KIRREL3: variants seen among roughly 807,000 people sequenced by gnomAD.
The protein encoded by KIRREL3 is kin of IRRE-like protein 3.
In KIRREL3, 36 loss-of-function variants were observed where a neutral mutation model predicts 89.7. The observed-to-expected ratio is 0.40, with a 90% CI of 0.31 to 0.53. KIRREL3 has a LOEUF of 0.53. Ranked by LOEUF, KIRREL3 falls within the 20% of genes least tolerant of loss-of-function variation. The pLI is 0.49. For synonymous variants in KIRREL3, 445 were observed against 441.4 expected (o/e 1.01, Z -0.10); for missense variants, 864 against 1,056.6 (o/e 0.82, Z 2.53).
At position 126,427,803 on chromosome 11, in the gene KIRREL3, G is replaced by A. The variant is rs1219468256; in HGVS notation, c.1806+1376C>T. ...GGCTCTCGAGGGTGGATTGAGAAAAGAGACAAAAGACTACAAGGCTGAGAC... is the reference window on the plus strand; with the variant it reads ...GGCTCTCGAGGGTGGATTGAGAAAAAAGACAAAAGACTACAAGGCTGAGAC... On this transcript the variant is annotated intron_variant, in intron 15 of 16. Coordinates refer to ENST00000525144, the MANE Select transcript of KIRREL3 (RefSeq NM_032531.4). The surrounding 1 kb of genome is among the most constrained non-coding windows in gnomAD (Gnocchi z 5.3). Among the ~76,000 whole-genome samples, 1 of 152,206 alleles carries A rather than the reference G, an allele frequency of 6.6e-6. No homozygotes were observed. Among genetic ancestry groups the A allele is most frequent in the African/African-American group, 2.4e-5 (1 of 41,446 alleles).
chr11:126,662,906 C>CTTTTTTTTTTTTTTTTTTTT (rs756193928), intron 1 of KIRREL3, among the ~76,000 whole-genome samples: 1 of 91,878 alleles, frequency 1.1e-5, no homozygotes, highest in Non-Finnish European at 2.1e-5. Context: ...AAAGTCCTTT[C>CTTTTTTTTTTTTTTTTTTTT]TTTTTTTTTT....
intron 1 of KIRREL3, among the ~76,000 whole-genome samples, chr11:126,790,415 C>A (rs531208207): frequency 6.6e-6 from 1 of 152,258 alleles, no homozygotes; most frequent in African/African-American, 2.4e-5. Flanking sequence ...TGACATTGGT[C>A]ATCGAAGTTA....
rs941189641 is a variant in KIRREL3, at chr11:126,825,931, T to C, written c.55+174524A>G. ...GGGATTCTGCAACCCTCTTGAGGAA[T>C]AATCATATCAAGGAGAATCTTCCTT... On this transcript the variant is annotated intron_variant, in intron 1 of 16. Coordinates refer to ENST00000525144, the MANE Select transcript of KIRREL3 (RefSeq NM_032531.4). Among the ~76,000 whole-genome samples the C allele has an allele frequency of 2.6e-5, 4 of 152,202 alleles. No homozygotes were observed. In the East Asian group the frequency reaches 7.7e-4, roughly 29 times the overall value.
At chr11:126,975,489 G>A (rs1949540125) in intron 1 of KIRREL3, among the ~76,000 whole-genome samples, 1 of 152,220 alleles carries the variant, frequency 6.6e-6, no homozygotes, top group South Asian at 2.1e-4. Context: ...GGGTACAGAA[G>A]TGGGACTACC....
chr11:126,586,160 A>C (rs1436290065), intron 1 of KIRREL3, among the ~76,000 whole-genome samples: 3 of 152,208 alleles, frequency 2.0e-5, no homozygotes, highest in Non-Finnish European at 4.4e-5. Flanking sequence ...ATTACAGCGC[A>C]CATTAGGGAA....
rs1368251889 is a variant in KIRREL3 at position 126,501,268 on chromosome 11, C to T, written c.433+20047G>A. Among the ~76,000 whole-genome samples the T allele has an allele frequency of 6.6e-6, 1 of 152,260 alleles. No individual in the cohort carries two copies. Among genetic ancestry groups the T allele is most frequent in the East Asian group, 1.9e-4 (1 of 5,206 alleles). On this transcript the variant is annotated intron_variant, in intron 4 of 16. Transcript: ENST00000525144. The surrounding 1 kb of genome is among the most constrained non-coding windows in gnomAD (Gnocchi z 5.8). ...CAGGCAAACCCAGGAGTCAGCCTGGCTCTGGCCCTAGCTTGAACGCCTCGG... is the reference window on the plus strand; with the variant it reads ...CAGGCAAACCCAGGAGTCAGCCTGGTTCTGGCCCTAGCTTGAACGCCTCGG...
At chr11:126,836,747 G>A (rs2134507284) in intron 1 of KIRREL3, among the ~76,000 whole-genome samples, 1 of 152,250 alleles carries the variant, frequency 6.6e-6, no homozygotes, top group South Asian at 2.1e-4. Context: ...TTATCCAGGG[G>A]GATGAAGCAT....
chr11:126,692,186 T>C (rs1946901915), intron 1 of KIRREL3, among the ~76,000 whole-genome samples: 2 of 152,108 alleles, frequency 1.3e-5, no homozygotes, highest in African/African-American at 4.8e-5. Context: ...TCCAGAAACA[T>C]TAAAAGCAGG....
Position 126,860,337 on chromosome 11 carries a change from CTGGGAGCACAGAGAAGGT to C in KIRREL3, c.55+140100_55+140117del, listed in dbSNP as rs1357159934. 5.3e-5 allele frequency among the ~76,000 whole-genome samples: 8 copies of C among 152,256 alleles called. 1 individual carries two copies. Among genetic ancestry groups the C allele is most frequent in the Admixed American group, 3.9e-4 (6 of 15,292 alleles). On this transcript the variant is annotated intron_variant, in intron 1 of 16. Coordinates refer to ENST00000525144, the MANE Select transcript of KIRREL3 (RefSeq NM_032531.4). The surrounding 1 kb of genome is among the most constrained non-coding windows in gnomAD (Gnocchi z 4.6). ...TTTAATAAAGGCGTGGGCAATGGGT[CTGGGAGCACAGAGAAGGT>C]TGCCTTTATTTATGTTTCAGGCAGA...
At chr11:126,951,084 G>A (rs535732453) in intron 1 of KIRREL3, among the ~76,000 whole-genome samples, 12 of 152,296 alleles carry the variant, frequency 7.9e-5, no homozygotes, top group South Asian at 2.1e-4. Flanking sequence ...GCAATGTATC[G>A]TCAGATAATC....
At position 126,821,351 on chromosome 11, in the gene KIRREL3, A is replaced by ATATATGTG. The variant is rs756545626; in HGVS notation, c.55+179103_55+179104insCACATATA. ...ACAGTATATATATATATATATATAT[A>ATATATGTG]TGTAACTTCCAACCAACATCCCTTC... On this transcript the variant is annotated intron_variant, in intron 1 of 16. Transcript: ENST00000525144. Among the ~76,000 whole-genome samples the ATATATGTG allele has an allele frequency of 7.9e-4, 83 of 104,418 alleles. 8 individuals carry two copies. The highest frequency in any genetic ancestry group is 5.4e-3 in the Middle Eastern group (1 of 186). 68.5% of individuals were successfully genotyped at this position (104,418 alleles called of 152,430 possible).
At position 126,684,075 on chromosome 11, in the gene KIRREL3, C is replaced by T. The variant is rs1019476887; in HGVS notation, c.56-121163G>A. Among the ~76,000 whole-genome samples, 1 of 152,222 alleles carries T rather than the reference C, an allele frequency of 6.6e-6. No individual in the cohort carries two copies. The highest frequency in any genetic ancestry group is 1.5e-5 in the Non-Finnish European group (1 of 68,036). On this transcript the variant is annotated intron_variant, in intron 1 of 16. Coordinates refer to ENST00000525144, the MANE Select transcript of KIRREL3 (RefSeq NM_032531.4). This position sits in a 1 kb window ranked among gnomAD's most constrained non-coding sequence, Gnocchi z 4.2. ...GTCTGATCTGCTGACAGCCGCGACCCTGCCACCTGCTCAGTGGGATGGCAT... is the reference window on the plus strand; with the variant it reads ...GTCTGATCTGCTGACAGCCGCGACCTTGCCACCTGCTCAGTGGGATGGCAT...
intron 4 of KIRREL3, among the ~76,000 whole-genome samples, chr11:126,502,591 AAT>A (rs1315371391): frequency 2.0e-5 from 3 of 152,226 alleles, no homozygotes; most frequent in African/African-American, 7.2e-5. Context: ...CTCTCTAGTC[AAT>A]AAATAAGTGG....
chr11:126,709,977 TAA>T lies in KIRREL3; in HGVS notation c.56-147067_56-147066del, dbSNP rs1947693869. 1.3e-5 allele frequency among the ~76,000 whole-genome samples: 2 copies of T among 152,206 alleles called. No homozygotes were observed. Among genetic ancestry groups the T allele is most frequent in the Non-Finnish European group, 2.9e-5 (2 of 68,032 alleles). On this transcript the variant is annotated intron_variant, in intron 1 of 16. Coordinates refer to ENST00000525144, the MANE Select transcript of KIRREL3 (RefSeq NM_032531.4). The surrounding 1 kb of genome is among the most constrained non-coding windows in gnomAD (Gnocchi z 4.0). ...GTGAACATTCTGCATTCATTATCAC[TAA>T]TCCTTACACATGCCCTGCCAGGAAG... is the stretch of plus-strand genomic sequence containing the variant.
Position 126,615,225 on chromosome 11 carries a change from T to C in KIRREL3, c.56-52313A>G, listed in dbSNP as rs192789176. ...GCTTTTATGACAGTCTTCTCTACAA[T>C]GAGACGACATCTTTCTCATCTCTGT... is the stretch of plus-strand genomic sequence containing the variant. On this transcript the variant is annotated intron_variant, in intron 1 of 16. Coordinates refer to ENST00000525144, the MANE Select transcript of KIRREL3 (RefSeq NM_032531.4). The surrounding 1 kb of genome is among the most constrained non-coding windows in gnomAD (Gnocchi z 5.4). Among the ~76,000 whole-genome samples the C allele has an allele frequency of 2.6e-5, 4 of 152,308 alleles. No individual in the cohort carries two copies. Among genetic ancestry groups the C allele is most frequent in the African/African-American group, 9.6e-5 (4 of 41,570 alleles).
rs1374761570 is a variant in KIRREL3, at chr11:126,754,924, C to T, written c.56-192012G>A. On this transcript the variant is annotated intron_variant, in intron 1 of 16. Transcript: ENST00000525144. This position sits in a 1 kb window ranked among gnomAD's most constrained non-coding sequence, Gnocchi z 5.1. Reference sequence around the variant, plus strand: ...CAGTGGGAATAATTTATTTCTTCTTCCTGGTGAGCAAATACACAGCAAGAG... The same window carrying T: ...CAGTGGGAATAATTTATTTCTTCTTTCTGGTGAGCAAATACACAGCAAGAG... Among the ~76,000 whole-genome samples the T allele has an allele frequency of 6.6e-6, 1 of 152,274 alleles. No homozygotes were observed. The highest frequency in any genetic ancestry group is 1.9e-4 in the East Asian group (1 of 5,186).
At chr11:126,941,896 C>A (rs1437657731) in intron 1 of KIRREL3, among the ~76,000 whole-genome samples, 1 of 152,182 alleles carries the variant, frequency 6.6e-6, no homozygotes, top group East Asian at 1.9e-4. Context: ...TCAATGCAAG[C>A]CATCAACAAG....
At chr11:126,866,776 C>A (rs1010364363) in intron 1 of KIRREL3, among the ~76,000 whole-genome samples, 9 of 152,076 alleles carry the variant, frequency 5.9e-5, no homozygotes, top group Admixed American at 3.9e-4. Context: ...GACGCAGACG[C>A]GAGGAGAATT....
At chr11:126,467,591 C>T (rs1956766721) in intron 5 of KIRREL3, among the ~76,000 whole-genome samples, 1 of 151,916 alleles carries the variant, frequency 6.6e-6, no homozygotes, top group African/African-American at 2.4e-5. Flanking sequence ...GGCCGCCTCG[C>T]TTCTCCCCGC....
Sources: allele counts gnomAD v4.1 joint callset (sites outside exome capture counted in the v4.1 genomes callset), GRCh38; gene constraint gnomAD v4.1.1; non-coding constraint Gnocchi (gnomAD v3.1); transcripts MANE v1.5; gene names NCBI Gene and HGNC (gene_info 2026-07-23, HGNC 2026-07-21).